CKMT1B: variants seen among roughly 807,000 people sequenced by gnomAD.
CKMT1B encodes the protein creatine kinase, mitochondrial 1B, also known as creatine kinase U-type, mitochondrial.
A neutral mutation model predicts 21.8 loss-of-function variants in CKMT1B; 13 were observed. The observed-to-expected ratio is 0.60, with a 90% CI of 0.39 to 0.95. The LOEUF is 0.95. Ranked by LOEUF, CKMT1B falls within the 40% of genes least tolerant of loss-of-function variation. The pLI, the probability that CKMT1B is intolerant of heterozygous loss-of-function variation, is 0.00. For missense variants in CKMT1B, 157 were observed against 227.5 expected (o/e 0.69, Z 1.99); for synonymous variants, 50 against 80.3 (o/e 0.62, Z 2.02).
intron 6 of CKMT1B, 41 bp downstream of exon 6, chr15:43,596,572 A>G (rs746208388): frequency 3.7e-6 from 6 of 1,607,518 alleles, no homozygotes; most frequent in Middle Eastern, 1.6e-4. Flanking sequence ...GGGAGGACAT[A>G]AGGAAAACCA....
intron 6 of CKMT1B, chr15:43,597,794 T>G (rs2085597510): frequency 9.6e-7 from 1 of 1,038,264 alleles, no homozygotes; most frequent in Admixed American, 4.7e-5. Context: ...CACCTTCATC[T>G]TCTGTCTGAA....
intron 6 of CKMT1B, among the ~76,000 whole-genome samples, chr15:43,596,752 AG>A (rs2085576086): frequency 1.3e-5 from 2 of 150,028 alleles, no homozygotes; most frequent in African/African-American, 5.0e-5. Context: ...AAAGAGTGTC[AG>A]GAATCTTAGG....
At chr15:43,597,721 T>C (rs936224205) in intron 6 of CKMT1B, 29 of 1,027,250 alleles carry the variant, frequency 2.8e-5, no homozygotes, top group Admixed American at 4.8e-5. Flanking sequence ...TTTCTCTGCA[T>C]TCACACAGGT....
intron 7 of CKMT1B, 47 bp from the exon 8 acceptor site, chr15:43,598,780 G>A: frequency 5.7e-6 from 9 of 1,568,500 alleles, no homozygotes; most frequent in Non-Finnish European, 7.7e-6. Flanking sequence ...GGTAGGACTA[G>A]TCTCTGCCTC....
chr15:43,597,645 T>G (rs1436790046), intron 6 of CKMT1B: 6 of 907,242 alleles, frequency 6.6e-6, no homozygotes, highest in African/African-American at 3.9e-5. Context: ...CATGGTTAAG[T>G]GAAGCCAAAC....
At position 43,598,083 on chromosome 15, in the gene CKMT1B, A is replaced by T. The variant is rs1369852376; in HGVS notation, c.877-110A>T. On this transcript the variant is annotated intron_variant, in intron 6 of 8. Transcript: ENST00000441322. The stretch of plus-strand genomic sequence containing the variant: ...GACCAATGTCATTCATTCACAGCCA[A>T]GTTTCTGTTCTAGACATATTTCTAG... 5.4e-6 allele frequency: 8 copies of T among 1,493,320 alleles called. 1 individual carries two copies. The highest frequency in any genetic ancestry group is 4.3e-5 in the Admixed American group (2 of 46,054). 92.5% of individuals were successfully genotyped at this position (1,493,320 alleles called of 1,614,324 possible). A position where few individuals can be genotyped will look rare whatever the true frequency, so the allele number is the denominator to read the frequency against.
At chr15:43,598,471 T>G (rs771051027) in intron 7 of CKMT1B, 144 bp downstream of exon 7, 3 of 1,250,100 alleles carry the variant, frequency 2.4e-6, no homozygotes, top group Non-Finnish European at 3.3e-6. Flanking sequence ...CTCATGCCTC[T>G]AATCCCAACA....
At chr15:43,597,468 G>C in intron 6 of CKMT1B, 1 of 1,246,034 alleles carries the variant, frequency 8.0e-7, no homozygotes, top group Non-Finnish European at 1.0e-6. Context: ...ATATTATTCT[G>C]GATGGAAGAG....
chr15:43,597,919 A>G, intron 6 of CKMT1B: 2 of 1,343,130 alleles, frequency 1.5e-6, no homozygotes, highest in South Asian at 3.5e-5. Flanking sequence ...TCATTTCCCT[A>G]GATCATCCTT....
At chr15:43,597,268 T>C (rs1377905931) in intron 6 of CKMT1B, 1 of 404,690 alleles carries the variant, frequency 2.5e-6, no homozygotes, top group Non-Finnish European at 4.1e-6. Context: ...TTTTGGCAAG[T>C]AATAGATAAC....
At position 43,598,183 on chromosome 15, in the gene CKMT1B, G is replaced by C. The variant is rs1478827035; in HGVS notation, c.877-10G>C. 6.2e-7 allele frequency: 1 copy of C among 1,608,832 alleles called. No individual in the cohort carries two copies. The highest frequency in any genetic ancestry group is 1.4e-5 in the African/African-American group (1 of 72,078). On this transcript the variant is annotated splice_polypyrimidine_tract_variant and intron_variant, in intron 6 of 8. Transcript: ENST00000441322. The stretch of plus-strand genomic sequence containing the variant: ...CTGATTTTTCGTTAACAAAACCTTT[G>C]TGGACTCAGGTGGAGAGACTTATCC...
At chr15:43,596,313 T>TC (rs748869600) in intron 5 of CKMT1B, 21 bp downstream of exon 5, 22 of 1,009,796 alleles carry the variant, frequency 2.2e-5, no homozygotes, top group Non-Finnish European at 3.0e-5. Flanking sequence ...GCTCATTACC[T>TC]CTTTTGTCTT....
Position 43,597,737 on chromosome 15 carries a change from G to T in CKMT1B, c.877-456G>T, listed in dbSNP as rs188100282. The T allele has an allele frequency of 9.3e-4, 938 of 1,013,038 alleles. 12 individuals are homozygous for T. Among genetic ancestry groups the T allele is most frequent in the Admixed American group, 3.0e-3 (62 of 20,746 alleles). 62.8% of individuals were successfully genotyped at this position (1,013,038 alleles called of 1,614,324 possible). On this transcript the variant is annotated intron_variant, in intron 6 of 8. Transcript: ENST00000441322. ...TTCTCTGCATTCACACAGGTGCTCC[G>T]TTCACAGCTAACAGAATGTTATCTT...
At position 43,598,519 on chromosome 15, in the gene CKMT1B, G is replaced by C. The variant is rs558172008; in HGVS notation, c.1011+192G>C. 6.0e-5 allele frequency among the ~76,000 whole-genome samples: 9 copies of C among 148,824 alleles called. 2 individuals are homozygous for C. The East Asian group carries it at 1.6e-3, about 27-fold the overall frequency. ...AGGCAGGCAGATTACTTGAGCCCAG[G>C]AGTTCAAGACCAGCCTGGGCAACCT... On this transcript the variant is annotated intron_variant, in intron 7 of 8. Coordinates refer to ENST00000441322, the MANE Select transcript of CKMT1B (RefSeq NM_001375484.1).
chr15:43,598,687 T>TA, intron 7 of CKMT1B, 140 bp from the exon 8 acceptor site: 29 of 1,247,354 alleles, frequency 2.3e-5, no homozygotes, highest in South Asian at 5.5e-5. Context: ...AGACCCTGTC[T>TA]AAAAAAAATT....
chr15:43,598,306 C>A lies in CKMT1B; in HGVS notation c.990C>A (p.Ile330=). The part of the protein sequence containing the change: ...LGTGLRAGVH[I]KLPLLSKDSR... ...CTGGACTTCGGGCAGGAGTGCACAT[C>A]AAACTGCCCCTGCTAAGCAAAGTAA... Residue 330 remains isoleucine (I), a synonymous_variant, in exon 7 of 9, where the codon ATC becomes ATA. Transcript: ENST00000441322. The A allele has an allele frequency of 6.2e-7, 1 of 1,606,418 alleles. No individual in the cohort carries two copies. Among genetic ancestry groups the A allele is most frequent in the South Asian group, 1.1e-5 (1 of 90,780 alleles).
At chr15:43,597,965 A>G (rs1595953386) in intron 6 of CKMT1B, 1 of 1,388,838 alleles carries the variant, frequency 7.2e-7, no homozygotes, top group East Asian at 2.8e-5. Context: ...TCTTCCACAT[A>G]AGATATTTTT....
chr15:43,597,933 A>G (rs564602883), intron 6 of CKMT1B: 58 of 1,372,612 alleles, frequency 4.2e-5, no homozygotes, highest in Non-Finnish European at 5.3e-5. Flanking sequence ...CATCCTTAAT[A>G]CACCACTCCT....
chr15:43,597,526 T>C (rs1451064817), intron 6 of CKMT1B: 2 of 1,206,128 alleles, frequency 1.7e-6, no homozygotes, highest in Non-Finnish European at 2.1e-6. Context: ...GCATGGTTCC[T>C]TCTGAACTAT....
Sources: gnomAD v4.1 joint callset for allele counts (sites outside exome capture counted in the v4.1 genomes callset) on GRCh38, gnomAD v4.1.1 for gene constraint, MANE v1.5 for transcripts, NCBI Gene and HGNC (gene_info 2026-07-23, HGNC 2026-07-21) for gene names.